Variants in CALN1 observed in about 807,000 individuals in gnomAD.
The protein encoded by CALN1 is calneuron 1, also known as calcium-binding protein 8.
In CALN1, 17 loss-of-function variants were observed where a neutral mutation model predicts 30.6. The ratio of observed to expected loss-of-function variants is 0.56; its 90% CI spans 0.38 to 0.83. The LOEUF (loss-of-function observed/expected upper bound fraction) is 0.83. Among genes scored for constraint, CALN1 ranks in the 40% least tolerant of loss-of-function variants. The pLI, the probability that CALN1 is intolerant of heterozygous loss-of-function variation, is 0.00. For missense variants in CALN1, 291 were observed against 354.9 expected, an observed-to-expected ratio of 0.82 and a Z score of 1.45; for synonymous variants, 156 against 131.4, an observed-to-expected ratio of 1.19 and a Z score of -1.28.
chr7:71,862,400 C>T (rs1174912448), intron 5 of CALN1, among the ~76,000 whole-genome samples: 1 of 152,162 alleles, frequency 6.6e-6, no homozygotes, highest in Admixed American at 6.5e-5. Context: ...CCGTGCTGTT[C>T]TCATGATAGT....
chr7:71,823,518 G>A (rs567613265), intron 5 of CALN1, among the ~76,000 whole-genome samples: 1 of 152,250 alleles, frequency 6.6e-6, no homozygotes, highest in East Asian at 1.9e-4. Context: ...AGGAGTTCGA[G>A]ACCAGCCTGG....
chr7:72,499,616 T>C, the CALN1 span, among the ~76,000 whole-genome samples: 1 of 152,114 alleles, frequency 6.6e-6, no homozygotes, highest in Non-Finnish European at 1.5e-5. Context: ...CAAATAATTG[T>C]TCCTTGGAAA....
chr7:72,063,177 T>C (rs758792833), intron 4 of CALN1, among the ~76,000 whole-genome samples: 1 of 152,186 alleles, frequency 6.6e-6, no homozygotes, highest in African/African-American at 2.4e-5. Flanking sequence ...GACCTGTACA[T>C]GTATATGAAT....
At chr7:72,302,911 A>AAAAAAAC (rs1562861514) in intron 2 of CALN1, among the ~76,000 whole-genome samples, 3 of 150,106 alleles carry the variant, frequency 2.0e-5, no homozygotes, top group South Asian at 2.1e-4. Context: ...AAAAAAAAAA[A>AAAAAAAC]AAAAAACGAA....
At chr7:71,846,901 A>AATATATACATACATATATGTATATT (rs1446397869) in intron 5 of CALN1, among the ~76,000 whole-genome samples, 23 of 146,746 alleles carry the variant, frequency 1.6e-4, no homozygotes, top group Non-Finnish European at 1.6e-4. Flanking sequence ...ATGTATATAT[A>AATATATACATACATATATGTATATT]ATATATACAT....
At chr7:72,175,717 C>T (rs910175088) in intron 3 of CALN1, among the ~76,000 whole-genome samples, 6 of 151,666 alleles carry the variant, frequency 4.0e-5, no homozygotes, top group Admixed American at 1.3e-4. Flanking sequence ...GAACAAACGC[C>T]GCCACTTTAA....
intron 5 of CALN1, among the ~76,000 whole-genome samples, chr7:71,935,087 A>G (rs1795759328): frequency 2.6e-5 from 4 of 152,150 alleles, no homozygotes; most frequent in Admixed American, 2.6e-4. Context: ...ACCTTTCCAT[A>G]TGAGATTTGG....
At chr7:72,253,545 G>A (rs77059784) in intron 3 of CALN1, among the ~76,000 whole-genome samples, 4,512 of 152,296 alleles carry the variant, frequency 0.03, 155 homozygotes, top group Non-Finnish European at 0.035. Flanking sequence ...TTACCATGGC[G>A]AAGCAAGAGA....
chr7:72,460,417 A>C, the CALN1 span, among the ~76,000 whole-genome samples: 1 of 152,108 alleles, frequency 6.6e-6, no homozygotes, highest in African/African-American at 2.4e-5. Context: ...GGATAACCTG[A>C]GGTCAGGAGT....
chr7:71,811,925 C>A (rs952296569), intron 5 of CALN1, among the ~76,000 whole-genome samples: 2 of 151,018 alleles, frequency 1.3e-5, no homozygotes, highest in African/African-American at 2.4e-5. Flanking sequence ...GTGATCCACC[C>A]GCCTCGGCCT....
intron 4 of CALN1, among the ~76,000 whole-genome samples, chr7:72,105,786 GGGGGGAGGGAGGGAGGGAGGAGGAGGA>G (rs2129541243): frequency 2.1e-5 from 2 of 94,536 alleles, no homozygotes; most frequent in African/African-American, 1.0e-4. Context: ...AGGAGGAGGA[GGGGGGAGGGAGGGAGGGAGGAGGAGGA>G]GGGGGAGGGA....
At chr7:72,366,225 G>C (rs1803869861) in intron 2 of CALN1, among the ~76,000 whole-genome samples, 1 of 151,660 alleles carries the variant, frequency 6.6e-6, no homozygotes, top group Non-Finnish European at 1.5e-5. Flanking sequence ...CCAGGCTGGA[G>C]TGCAGTGGCG....
chr7:72,057,438 A>G (rs961036414), intron 4 of CALN1, among the ~76,000 whole-genome samples: 8 of 138,318 alleles, frequency 5.8e-5, no homozygotes, highest in South Asian at 2.3e-4. Context: ...ATCTGTCCCA[A>G]TGAAGTGTTC....
chr7:72,132,733 G>A (rs1040837728), intron 3 of CALN1, among the ~76,000 whole-genome samples: 5 of 151,986 alleles, frequency 3.3e-5, no homozygotes, highest in Non-Finnish European at 5.9e-5. Flanking sequence ...GTATGTCCCC[G>A]GCTAATCAAA....
intron 5 of CALN1, among the ~76,000 whole-genome samples, chr7:72,008,124 C>G (rs1562971765): frequency 6.6e-6 from 1 of 152,084 alleles, no homozygotes; most frequent in Non-Finnish European, 1.5e-5. Context: ...GCAATCTATT[C>G]AATTACCATA....
At chr7:72,388,931 T>G (rs1805405260) in intron 2 of CALN1, among the ~76,000 whole-genome samples, 1 of 152,160 alleles carries the variant, frequency 6.6e-6, no homozygotes, top group South Asian at 2.1e-4. Context: ...TCCTCTCAGC[T>G]CTGTGTGGCT....
chr7:72,221,423 C>A (rs1585199823), intron 3 of CALN1, among the ~76,000 whole-genome samples: 1 of 148,198 alleles, frequency 6.7e-6, no homozygotes, highest in South Asian at 2.2e-4. Flanking sequence ...ATTCAAGCAA[C>A]TCTCCTGCCT....
At chr7:71,895,918 G>C (rs1485518776) in intron 5 of CALN1, among the ~76,000 whole-genome samples, 1 of 152,114 alleles carries the variant, frequency 6.6e-6, no homozygotes, top group East Asian at 1.9e-4. Flanking sequence ...AAACTAATAG[G>C]AGGGAGGCTC....
chr7:72,467,621 T>A, the CALN1 span, among the ~76,000 whole-genome samples: 1 of 152,138 alleles, frequency 6.6e-6, no homozygotes, highest in African/African-American at 2.4e-5. Context: ...GCTACTTCAA[T>A]CAGAGCTGGC....
Sources: gnomAD v4.1 joint callset for allele counts (sites outside exome capture counted in the v4.1 genomes callset) on GRCh38, gnomAD v4.1.1 for gene constraint, MANE v1.5 for transcripts, NCBI Gene and HGNC (gene_info 2026-07-23, HGNC 2026-07-21) for gene names.